Variants in ARHGEF10 observed in about 807,000 individuals in gnomAD.
The protein encoded by ARHGEF10 is Rho guanine nucleotide exchange factor (GEF) 10.
Under a neutral mutation model 147.4 loss-of-function variants are expected in ARHGEF10, and 140 were observed. That is an observed-to-expected ratio of 0.95 (90% confidence interval 0.83 to 1.09). The LOEUF (loss-of-function observed/expected upper bound fraction) is 1.09. Among genes scored for constraint, ARHGEF10 ranks in the 50% least tolerant of loss-of-function variants. The probability of loss-of-function intolerance (pLI) is 0.00; values close to 1 mark genes in which losing one functional copy is unlikely to be tolerated. For synonymous variants in ARHGEF10, 902 were observed against 695.8 expected (o/e 1.30, Z -4.67); for missense variants, 2,222 against 1,752.7 (o/e 1.27, Z -4.78).
intron 15 of ARHGEF10, among the ~76,000 whole-genome samples, chr8:1,900,013 G>A (rs1244852896): frequency 3.3e-5 from 5 of 152,236 alleles, no homozygotes; most frequent in Admixed American, 3.3e-4. Flanking sequence ...GGTCGCCAGG[G>A]ACGACAGCAA....
intron 1 of ARHGEF10, among the ~76,000 whole-genome samples, chr8:1,834,021 G>GT (rs1413794892): frequency 1.3e-5 from 2 of 152,208 alleles, no homozygotes; most frequent in Non-Finnish European, 2.9e-5. Flanking sequence ...CCGGGGAAGG[G>GT]TAAGCAGGGC....
intron 2 of ARHGEF10, among the ~76,000 whole-genome samples, chr8:1,844,519 G>A (rs1160938713): frequency 3.3e-5 from 4 of 122,668 alleles, no homozygotes; most frequent in African/African-American, 9.0e-5. Context: ...CAGAAGGGAT[G>A]CCCACTCCTG....
intron 7 of ARHGEF10, among the ~76,000 whole-genome samples, chr8:1,872,326 A>G (rs1807194940): frequency 6.6e-6 from 1 of 152,198 alleles, no homozygotes; most frequent in Non-Finnish European, 1.5e-5. Flanking sequence ...GCTGGGGTTT[A>G]TTGAGCCTTC....
At chr8:1,915,578 C>T (rs1337912709) in intron 18 of ARHGEF10, among the ~76,000 whole-genome samples, 2 of 152,342 alleles carry the variant, frequency 1.3e-5, no homozygotes, top group East Asian at 3.9e-4. Flanking sequence ...TCAGGACAGT[C>T]CCACAGTGGT....
At chr8:1,870,840 C>G (rs936485897) in intron 7 of ARHGEF10, 1 of 152,134 alleles carries the variant, frequency 6.6e-6, no homozygotes, top group Admixed American at 6.5e-5. Context: ...CGGCCAGGCA[C>G]GGTCGCTCAC....
At chr8:1,829,839 T>A (rs538361092) in intron 1 of ARHGEF10, among the ~76,000 whole-genome samples, 60 of 152,288 alleles carry the variant, frequency 3.9e-4, no homozygotes, top group African/African-American at 1.4e-3. Flanking sequence ...CCGGGGAGGC[T>A]GCTGGGACGG....
intron 18 of ARHGEF10, among the ~76,000 whole-genome samples, chr8:1,910,535 T>C (rs1811279151): frequency 1.3e-5 from 2 of 152,090 alleles, no homozygotes; most frequent in Admixed American, 6.6e-5. Flanking sequence ...TCAAACCCTC[T>C]CCACAAATAA....
intron 1 of ARHGEF10, among the ~76,000 whole-genome samples, chr8:1,838,157 G>GGGGGTGCCT (rs1417459156): frequency 6.6e-5 from 10 of 152,142 alleles, no homozygotes; most frequent in Admixed American, 3.9e-4. Flanking sequence ...CGGGGGTGCC[G>GGGGGTGCCT]GGGGTGCCTG....
At chr8:1,903,142 C>T in intron 15 of ARHGEF10, 139 bp from the exon 16 acceptor site, 4 of 1,120,776 alleles carry the variant, frequency 3.6e-6, no homozygotes, top group South Asian at 2.5e-5. Flanking sequence ...ATCATCCCTT[C>T]CCAAGAACTG....
intron 1 of ARHGEF10, among the ~76,000 whole-genome samples, chr8:1,836,544 G>C (rs562278469): frequency 6.6e-6 from 1 of 152,300 alleles, no homozygotes; most frequent in Admixed American, 6.5e-5. Flanking sequence ...TTCAGGGGGT[G>C]GGATGTTTTG....
chr8:1,825,320 G>A (rs1362811136), intron 1 of ARHGEF10, among the ~76,000 whole-genome samples: 1 of 6,458 alleles, frequency 1.5e-4, no homozygotes, highest in Non-Finnish European at 2.6e-4. Flanking sequence ...CTGTTCCCCC[G>A]CACCCCACCT....
chr8:1,860,644 A>C (rs1806052377), intron 4 of ARHGEF10, among the ~76,000 whole-genome samples: 1 of 152,194 alleles, frequency 6.6e-6, no homozygotes, highest in African/African-American at 2.4e-5. Context: ...GAAATTTTTG[A>C]AACAACGTCT....
At chr8:1,956,625 T>A in intron 28 of ARHGEF10, 124 bp from the exon 29 acceptor site, 1 of 967,630 alleles carries the variant, frequency 1.0e-6, no homozygotes, top group Non-Finnish European at 1.7e-6. Context: ...GTATGCAAGT[T>A]ACTTACAGGC....
chr8:1,938,668 G>C (rs766118077), intron 26 of ARHGEF10, among the ~76,000 whole-genome samples: 2 of 152,160 alleles, frequency 1.3e-5, no homozygotes, highest in African/African-American at 2.4e-5. Context: ...GGGCACGGTG[G>C]CTCACACTTG....
intron 7 of ARHGEF10, among the ~76,000 whole-genome samples, chr8:1,875,261 G>C (rs961237857): frequency 2.6e-5 from 4 of 150,980 alleles, no homozygotes; most frequent in African/African-American, 7.3e-5. Context: ...GGCGTGTAGG[G>C]GGTGGAGGTT....
chr8:1,924,794 C>CAGCT (rs1248839313), intron 21 of ARHGEF10, among the ~76,000 whole-genome samples: 13 of 152,314 alleles, frequency 8.5e-5, no homozygotes, highest in Admixed American at 3.9e-4. Flanking sequence ...GTCTTCAGAT[C>CAGCT]AGCTATATAT....
chr8:1,941,093 C>T (rs760400563), intron 26 of ARHGEF10, among the ~76,000 whole-genome samples: 4 of 152,192 alleles, frequency 2.6e-5, no homozygotes, highest in Non-Finnish European at 4.4e-5. Context: ...CATTTTTATT[C>T]ACAGTAGTAC....
rs1377952301 is a variant in ARHGEF10 at position 1,858,006 on chromosome 8, AG to A, written c.85del (p.Glu29AsnfsTer59). 6.2e-7 allele frequency: 1 copy of A among 1,613,970 alleles called. No individual in the cohort carries two copies. Among genetic ancestry groups the A allele is most frequent in the East Asian group, 2.2e-5 (1 of 44,870 alleles). On this transcript the variant is annotated frameshift_variant, in exon 3 of 29. Transcript: ENST00000349830. LOFTEE classifies it high-confidence loss of function. ...CCAATAATAATGAAGAGGAAGAGGG[AG>A]AACAGTTCGATTTTGACAGTGGAGA... Reference protein sequence around the residue: ...DTNNNEEEEGEQFDFDSGDEI... With the variant: ...DTNNNEEEEGXQFDFDSGDEI...
At chr8:1,827,120 C>G (rs1471366422) in intron 1 of ARHGEF10, among the ~76,000 whole-genome samples, 1 of 152,316 alleles carries the variant, frequency 6.6e-6, no homozygotes, top group East Asian at 1.9e-4. Flanking sequence ...GCAGGGTTAC[C>G]TGTAAGGACA....
Sources: allele counts gnomAD v4.1 joint callset (sites outside exome capture counted in the v4.1 genomes callset), GRCh38; gene constraint gnomAD v4.1.1; transcripts MANE v1.5; gene names NCBI Gene and HGNC (gene_info 2026-07-23, HGNC 2026-07-21).